Variants in HIF1A observed in about 807,000 individuals in gnomAD.
HIF1A encodes the protein hypoxia inducible factor 1 subunit alpha.
HIF1A carries 24 observed loss-of-function variants against 92.7 expected under a neutral mutation model. That is an observed-to-expected ratio of 0.26 (90% CI 0.19 to 0.36). HIF1A has a LOEUF of 0.36. HIF1A is among the 10% of genes least tolerant of loss of function. The pLI, the probability that HIF1A is intolerant of heterozygous loss-of-function variation, is 1.00. For missense variants in HIF1A, 799 were observed against 998.5 expected (o/e 0.80, Z 2.69); for synonymous variants, 319 against 338.7 (o/e 0.94, Z 0.64).
chr14:61,738,138 T>C lies in HIF1A; in HGVS notation c.1301T>C (p.Val434Ala), dbSNP rs781619039. The part of the protein sequence containing the change: ...QLEEVPLYND[V>A]MLPSPNEKLQ... Reference sequence around the variant, plus strand: ...GAGGAAGTACCATTATATAATGATGTAATGCTCCCCTCACCCAACGAAAAA... The same window carrying C: ...GAGGAAGTACCATTATATAATGATGCAATGCTCCCCTCACCCAACGAAAAA... Residue 434 changes from valine to alanine, a missense_variant, in exon 10 of 15, where the codon GTA (valine) becomes GCA (alanine). By Grantham distance (64) the Val-to-Ala change is moderately conservative. Transcript: ENST00000337138. The C allele has an allele frequency of 6.2e-7, 1 of 1,613,660 alleles. No homozygotes were observed. Among genetic ancestry groups the C allele is most frequent in the Admixed American group, 1.7e-5 (1 of 59,952 alleles).
chr14:61,731,070 T>A (rs994185068), intron 6 of HIF1A, among the ~76,000 whole-genome samples: 1 of 152,182 alleles, frequency 6.6e-6, no homozygotes, highest in African/African-American at 2.4e-5. Context: ...TGTAATAAAC[T>A]ATGGAAGATC....
intron 1 of HIF1A, among the ~76,000 whole-genome samples, chr14:61,703,327 GATAAGT>G (rs1219299619): frequency 6.6e-6 from 1 of 152,116 alleles, no homozygotes; most frequent in Non-Finnish European, 1.5e-5. Context: ...CTGGCAATTT[GATAAGT>G]ATATTAGGAT....
intron 6 of HIF1A, among the ~76,000 whole-genome samples, chr14:61,728,801 A>T (rs1338297888): frequency 6.6e-6 from 1 of 152,154 alleles, no homozygotes; most frequent in Non-Finnish European, 1.5e-5. Context: ...ATAATCTTTC[A>T]TCTAAGTTGC....
intron 6 of HIF1A, among the ~76,000 whole-genome samples, chr14:61,729,981 C>T (rs996977305): frequency 3.3e-5 from 5 of 152,156 alleles, no homozygotes; most frequent in Non-Finnish European, 7.4e-5. Flanking sequence ...GAAAATCTAA[C>T]ATATCAAGCT....
chr14:61,715,616 GATAATA>G (rs1309195176), intron 1 of HIF1A: 2 of 152,156 alleles, frequency 1.3e-5, no homozygotes. Context: ...GTAACATGGT[GATAATA>G]ATAAAGATTA....
intron 14 of HIF1A, among the ~76,000 whole-genome samples, chr14:61,746,110 G>C (rs1275514882): frequency 6.6e-6 from 1 of 151,520 alleles, no homozygotes; most frequent in Non-Finnish European, 1.5e-5. Context: ...TGTAATCCCA[G>C]CTACTTGGGA....
chr14:61,732,350 G>A (rs1594879653), intron 6 of HIF1A, 68 bp from the exon 7 acceptor site: 1 of 940,118 alleles, frequency 1.1e-6, no homozygotes, highest in Non-Finnish European at 1.7e-6. Context: ...GTTAACTTGG[G>A]AGGAGAAAAA....
chr14:61,739,489 A>G (rs1319645227), intron 10 of HIF1A, among the ~76,000 whole-genome samples: 2 of 152,222 alleles, frequency 1.3e-5, no homozygotes, highest in African/African-American at 4.8e-5. Context: ...TATTTGTTGA[A>G]TAAAACTGAC....
At chr14:61,739,571 T>C (rs1455551436) in intron 10 of HIF1A, among the ~76,000 whole-genome samples, 1 of 152,200 alleles carries the variant, frequency 6.6e-6, no homozygotes, top group Non-Finnish European at 1.5e-5. Context: ...CTCTGGTTGC[T>C]TAATTTACCC....
intron 1 of HIF1A, among the ~76,000 whole-genome samples, chr14:61,701,635 C>A (rs1295698814): frequency 6.6e-6 from 1 of 152,132 alleles, no homozygotes; most frequent in Non-Finnish European, 1.5e-5. Flanking sequence ...TTCTACCCTC[C>A]CCCTTTCCAT....
At chr14:61,720,278 CTAATCCTTCTGTGA>C in intron 1 of HIF1A, 90 bp from the exon 2 acceptor site, 1 of 758,620 alleles carries the variant, frequency 1.3e-6, no homozygotes, top group Non-Finnish European at 2.1e-6. Flanking sequence ...ATGGCATCTT[CTAATCCTTCTGTGA>C]TAAGCAGAAA....
In HIF1A at chr14:61,720,463, G is replaced by C; in HGVS notation, c.117G>C (p.Glu39Asp). The C allele has an allele frequency of 1.2e-6, 2 of 1,613,740 alleles. No homozygotes were observed. The highest frequency in any genetic ancestry group is 1.7e-6 in the Non-Finnish European group (2 of 1,179,846). The part of the protein sequence containing the change: ...RRSKESEVFY[E>D]LAHQLPLPHN... ...GTAAAGAATCTGAAGTTTTTTATGA[G>C]CTTGCTCATCAGTTGCCACTTCCAC... The change falls in exon 2 of 15, where the codon GAG becomes GAC. Residue 39 changes from glutamate to aspartate, a missense_variant. Transcript: ENST00000337138.
intron 1 of HIF1A, among the ~76,000 whole-genome samples, chr14:61,696,649 A>C (rs2044120471): frequency 6.6e-6 from 1 of 152,186 alleles, no homozygotes; most frequent in Non-Finnish European, 1.5e-5. Flanking sequence ...ATAAATGAAT[A>C]TATGCCTCAT....
intron 5 of HIF1A, among the ~76,000 whole-genome samples, 184 bp downstream of exon 5, chr14:61,727,002 A>G (rs1242301610): frequency 2.0e-5 from 3 of 152,208 alleles, no homozygotes; most frequent in African/African-American, 7.2e-5. Flanking sequence ...TAATTTGCCA[A>G]TTTGAGGCAC....
intron 1 of HIF1A, chr14:61,697,907 A>G (rs1186443489): frequency 3.9e-6 from 6 of 1,525,344 alleles, no homozygotes; most frequent in Non-Finnish European, 5.3e-6. Context: ...AAGAAGGTCT[A>G]GGAAACTCAA....
At chr14:61,715,398 T>C (rs1025210293) in intron 1 of HIF1A, among the ~76,000 whole-genome samples, 3 of 152,196 alleles carry the variant, frequency 2.0e-5, no homozygotes, top group Admixed American at 6.5e-5. Flanking sequence ...CTTCTTTATG[T>C]CTTTGGCATG....
At chr14:61,711,207 C>CTTTTTTTTTTTTTTTTTTTT (rs10615564) in intron 1 of HIF1A, among the ~76,000 whole-genome samples, 22 of 86,132 alleles carry the variant, frequency 2.6e-4, no homozygotes, top group African/African-American at 9.5e-4. Context: ...TTAAGTATTC[C>CTTTTTTTTTTTTTTTTTTTT]TTTTTTTTTT....
chr14:61,735,938 A>G (rs962238588), intron 8 of HIF1A, among the ~76,000 whole-genome samples: 8 of 152,108 alleles, frequency 5.3e-5, no homozygotes, highest in African/African-American at 1.9e-4. Context: ...GTACTTGACT[A>G]CAAATTGCCT....
At chr14:61,708,168 A>C (rs374843748) in intron 1 of HIF1A, among the ~76,000 whole-genome samples, 1 of 151,994 alleles carries the variant, frequency 6.6e-6, no homozygotes, top group South Asian at 2.1e-4. Context: ...TTTTCTTGTA[A>C]ATTTGTTTGA....
Sources: allele counts gnomAD v4.1 joint callset (sites outside exome capture counted in the v4.1 genomes callset), GRCh38; gene constraint gnomAD v4.1.1; transcripts MANE v1.5; gene names NCBI Gene and HGNC (gene_info 2026-07-23, HGNC 2026-07-21).